Variants in SMARCA5 observed in about 807,000 individuals in gnomAD.
The protein encoded by SMARCA5 is SWI/SNF-related matrix-associated actin-dependent regulator of chromatin subfamily A member 5.
SMARCA5 carries 18 observed loss-of-function variants against 140.4 expected under a neutral mutation model. The observed-to-expected ratio is 0.13, with a 90% CI of 0.09 to 0.19. The LOEUF (loss-of-function observed/expected upper bound fraction) is 0.19, where lower values mean the gene tolerates loss of function less well. Ranked by LOEUF, SMARCA5 falls within the 10% of genes least tolerant of loss-of-function variation. The probability of loss-of-function intolerance (pLI) is 1.00; values close to 1 mark genes in which losing one functional copy is unlikely to be tolerated. For synonymous variants in SMARCA5, 449 were observed against 419.6 expected (o/e 1.07, Z -0.86); for missense variants, 606 against 1,276.8 (o/e 0.47, Z 8.01).
chr4:143,523,685 G>A (rs1737009723), intron 3 of SMARCA5, among the ~76,000 whole-genome samples: 1 of 152,146 alleles, frequency 6.6e-6, no homozygotes, highest in African/African-American at 2.4e-5. Context: ...ATGTGGTTTT[G>A]GTAGAAATGA....
chr4:143,520,906 G>A (rs1421500048), intron 2 of SMARCA5, among the ~76,000 whole-genome samples: 2 of 151,990 alleles, frequency 1.3e-5, no homozygotes, highest in South Asian at 2.1e-4. Context: ...TCCCAATACC[G>A]TTTTAAAATT....
chr4:143,522,109 C>A (rs921158737), intron 3 of SMARCA5, among the ~76,000 whole-genome samples: 1 of 152,088 alleles, frequency 6.6e-6, no homozygotes, highest in African/African-American at 2.4e-5. Context: ...TGGGTGTGCT[C>A]TAGGCTCCTC....
At chr4:143,530,563 A>G in intron 9 of SMARCA5, 37 bp downstream of exon 9, 2 of 1,380,412 alleles carry the variant, frequency 1.4e-6, no homozygotes, top group Non-Finnish European at 2.0e-6. Context: ...CATATTTATG[A>G]TGGGAAAAAG....
chr4:143,514,040 G>C lies in SMARCA5; in HGVS notation c.116G>C (p.Gly39Ala). ...AGCAGCAACAAAGGCGGCCCCGAAG[G>C]CGTCGCGGCGCAGGCGGTTGCGTCT... ...SNSSNKGGPE[G>A]VAAQAVASAA... is the part of the protein sequence containing the mutation. The change falls in exon 1 of 24, where the codon GGC (glycine) becomes GCC (alanine). Residue 39 changes from glycine (G) to alanine (A), a missense_variant. Transcript: ENST00000283131. The C allele has an allele frequency of 6.4e-7, 1 of 1,557,984 alleles. No individual in the cohort carries two copies. The highest frequency in any genetic ancestry group is 8.6e-7 in the Non-Finnish European group (1 of 1,160,112).
chr4:143,546,405 C>T (rs1737527161), intron 19 of SMARCA5, among the ~76,000 whole-genome samples: 1 of 152,100 alleles, frequency 6.6e-6, no homozygotes, highest in South Asian at 2.1e-4. Flanking sequence ...CAAGGTCTTT[C>T]AGAATCTGGC....
chr4:143,535,930 T>A (rs182764821), intron 10 of SMARCA5, among the ~76,000 whole-genome samples: 49 of 152,278 alleles, frequency 3.2e-4, no homozygotes, highest in African/African-American at 1.1e-3. Context: ...CCCTCCCCCA[T>A]GTATTTATAC....
intron 1 of SMARCA5, chr4:143,514,404 T>A: frequency 3.0e-6 from 1 of 335,306 alleles, no homozygotes; most frequent in Non-Finnish European, 5.5e-6. Context: ...GGGGGACCCA[T>A]CGTTTTTTTC....
chr4:143,514,432 T>A (rs997845651), intron 1 of SMARCA5: 1 of 249,192 alleles, frequency 4.0e-6, no homozygotes, highest in Non-Finnish European at 7.8e-6. Flanking sequence ...ACTCCCATAA[T>A]TCCCTCTCCT....
At chr4:143,535,019 G>A in intron 10 of SMARCA5, 55 bp downstream of exon 10, 2 of 1,228,116 alleles carry the variant, frequency 1.6e-6, no homozygotes, top group Admixed American at 2.4e-5. Flanking sequence ...TAAATTTCAT[G>A]TGTATTTTGT....
rs1384537592 is a variant in SMARCA5, at chr4:143,555,669, A to ACCCTGGGT, written c.*2485_*2486insCCCTGGGT. On this transcript the variant is annotated 3_prime_UTR_variant, in exon 24 of 24. Transcript: ENST00000283131. Reference sequence around the variant, plus strand: ...AAGTGTAATTATTACTACTTTTAAGAGACAGGGTCTTGCTCTGTCACCCAG... The same window carrying ACCCTGGGT: ...AAGTGTAATTATTACTACTTTTAAGACCCTGGGTGACAGGGTCTTGCTCTGTCACCCAG... The ACCCTGGGT allele has an allele frequency of 4.3e-6, 1 of 232,506 alleles. No homozygotes were observed. Among genetic ancestry groups the ACCCTGGGT allele is most frequent in the Non-Finnish European group, 8.4e-6 (1 of 118,422 alleles). The allele number at this position is 232,506 out of a possible 1,614,324, so 14.4% of individuals were successfully genotyped here.
At position 143,545,986 on chromosome 4, in the gene SMARCA5, T is replaced by C. The variant is rs1264124171; in HGVS notation, c.2459T>C (p.Ile820Thr). 6 of 1,608,324 alleles carry C rather than the reference T, an allele frequency of 3.7e-6. No individual in the cohort carries two copies. Among genetic ancestry groups the C allele is most frequent in the Admixed American group, 3.4e-5 (2 of 59,604 alleles). The change falls in exon 19 of 24, where the codon ATT becomes ACT. Residue 820 changes from isoleucine (I) to threonine (T), a missense_variant. Physicochemically the swap from Ile to Thr is moderately conservative, Grantham distance 89. Coordinates refer to ENST00000283131, the MANE Select transcript of SMARCA5 (RefSeq NM_003601.4). ...AQAQKEEQLK[I>T]DEAESLNDEE... Reference sequence around the variant, plus strand: ...GCACAAAAAGAAGAACAGCTTAAAATTGATGAAGCTGAATCCCTTAATGAT... The same window carrying C: ...GCACAAAAAGAAGAACAGCTTAAAACTGATGAAGCTGAATCCCTTAATGAT...
intron 23 of SMARCA5, 21 bp from the exon 24 acceptor site, chr4:143,553,098 A>T: frequency 6.3e-7 from 1 of 1,595,172 alleles, no homozygotes; most frequent in East Asian, 2.2e-5. Context: ...TGTGAAAAGT[A>T]ATCCTTCTGT....
chr4:143,523,736 G>A (rs911378397), intron 3 of SMARCA5, among the ~76,000 whole-genome samples: 4 of 152,192 alleles, frequency 2.6e-5, no homozygotes, highest in African/African-American at 9.7e-5. Context: ...GAGGCATAAC[G>A]TGCCTTTTTC....
At chr4:143,546,298 C>T (rs1578804827) in intron 19 of SMARCA5, among the ~76,000 whole-genome samples, 1 of 152,006 alleles carries the variant, frequency 6.6e-6, no homozygotes, top group Non-Finnish European at 1.5e-5. Flanking sequence ...TTTGAATGTT[C>T]CCGTCTTTCC....
rs1257069606 is a variant in SMARCA5 at position 143,555,909 on chromosome 4, C to T, written c.*2725C>T. 6.5e-6 allele frequency: 1 copy of T among 153,282 alleles called. No individual in the cohort carries two copies. Among genetic ancestry groups the T allele is most frequent in the Admixed American group, 6.5e-5 (1 of 15,346 alleles). 9.5% of individuals were successfully genotyped at this position (153,282 alleles called of 1,614,324 possible). ...CCTCTTGCGTCAACCTCTCAAAGTGCTGGGATTACATGTGTAAGCCTACAT... is the reference window on the plus strand; with the variant it reads ...CCTCTTGCGTCAACCTCTCAAAGTGTTGGGATTACATGTGTAAGCCTACAT... On this transcript the variant is annotated 3_prime_UTR_variant, in exon 24 of 24. Coordinates refer to ENST00000283131, the MANE Select transcript of SMARCA5 (RefSeq NM_003601.4).
chr4:143,549,500 G>A (rs1246434851), intron 22 of SMARCA5, among the ~76,000 whole-genome samples: 2 of 152,062 alleles, frequency 1.3e-5, no homozygotes, highest in Non-Finnish European at 1.5e-5. Context: ...AGAACTCATC[G>A]TAGACTTCCA....
At chr4:143,533,194 G>C (rs143405539) in intron 9 of SMARCA5, among the ~76,000 whole-genome samples, 28 of 152,250 alleles carry the variant, frequency 1.8e-4, no homozygotes, top group African/African-American at 6.7e-4. Context: ...GGTGCATATT[G>C]AGTGAGTCCA....
chr4:143,517,771 C>T (rs1336551770), intron 2 of SMARCA5, among the ~76,000 whole-genome samples: 1 of 152,192 alleles, frequency 6.6e-6, no homozygotes, highest in Non-Finnish European at 1.5e-5. Context: ...TTAGGCCCTA[C>T]CTCCCAACAC....
chr4:143,521,123 TC>T (rs1736948612), intron 2 of SMARCA5, among the ~76,000 whole-genome samples: 1 of 152,204 alleles, frequency 6.6e-6, no homozygotes, highest in Non-Finnish European at 1.5e-5. Context: ...GCAGAGTAGT[TC>T]CATCATCCCC....
Sources: allele counts gnomAD v4.1 joint callset (sites outside exome capture counted in the v4.1 genomes callset), GRCh38; gene constraint gnomAD v4.1.1; transcripts MANE v1.5; gene names NCBI Gene and HGNC (gene_info 2026-07-23, HGNC 2026-07-21).